The following RGSL1 variants were observed in gnomAD, a reference collection of about 807,000 sequenced individuals.
The protein encoded by RGSL1 is regulator of G protein signaling protein-like.
In RGSL1, 97 loss-of-function variants were observed where a neutral mutation model predicts 124.7. That is an observed-to-expected ratio of 0.78 (90% confidence interval 0.66 to 0.92). RGSL1 has a LOEUF of 0.92. Among genes scored for constraint, RGSL1 ranks in the 40% least tolerant of loss-of-function variants. The pLI is 0.00. For synonymous variants in RGSL1, 424 were observed against 438.1 expected (o/e 0.97, Z 0.40); for missense variants, 1,233 against 1,288.4 (o/e 0.96, Z 0.66).
rs920299353 is a variant in RGSL1, at chr1:182,492,795, A to AT, written c.1718-220dup. On this transcript the variant is annotated intron_variant, in intron 8 of 21. Coordinates refer to ENST00000294854, the MANE Select transcript of RGSL1 (RefSeq NM_001137669.2). ...AGGCGCCCGCCACCATACCCGGCTAATTTTTTTGTATTTTTAGTAGAGACA... is the reference window on the plus strand; with the variant it reads ...AGGCGCCCGCCACCATACCCGGCTAATTTTTTTTGTATTTTTAGTAGAGACA... Among the ~76,000 whole-genome samples the AT allele has an allele frequency of 4.4e-4, 67 of 151,690 alleles. 1 individual carries two copies. Among genetic ancestry groups the AT allele is most frequent in the Non-Finnish European group, 8.4e-4 (57 of 67,884 alleles).
At chr1:182,544,850 T>C (rs896332053) in intron 15 of RGSL1, among the ~76,000 whole-genome samples, 2 of 152,234 alleles carry the variant, frequency 1.3e-5, no homozygotes, top group Admixed American at 1.3e-4. Context: ...GAATATCTTT[T>C]TCCATCCCTT....
At chr1:182,448,863 A>G (rs549095520), upstream of RGSL1, among the ~76,000 whole-genome samples, 55 of 152,190 alleles carry the variant, frequency 3.6e-4, no homozygotes, top group Non-Finnish European at 1.3e-4. Flanking sequence ...AGCCTTTTTG[A>G]ACTGTGGGAA....
intron 15 of RGSL1, among the ~76,000 whole-genome samples, chr1:182,547,865 A>G (rs1660315122): frequency 6.6e-6 from 1 of 152,136 alleles, no homozygotes; most frequent in Non-Finnish European, 1.5e-5. Flanking sequence ...CATCTCAAAA[A>G]AAAAATGTTC....
intron 9 of RGSL1, among the ~76,000 whole-genome samples, chr1:182,501,127 T>C (rs938348893): frequency 6.6e-6 from 1 of 152,120 alleles, no homozygotes; most frequent in Non-Finnish European, 1.5e-5. Flanking sequence ...TCCTGTGACT[T>C]TGCCTTTTAT....
intron 14 of RGSL1, among the ~76,000 whole-genome samples, chr1:182,539,613 A>G (rs1659757715): frequency 6.6e-6 from 1 of 152,202 alleles, no homozygotes; most frequent in African/African-American, 2.4e-5. Flanking sequence ...TCCATTTGTC[A>G]GATCCAGCCC....
At chr1:182,493,459 AG>A (rs754764026) in intron 9 of RGSL1, among the ~76,000 whole-genome samples, 2 of 152,128 alleles carry the variant, frequency 1.3e-5, no homozygotes. Context: ...AGATTTGTGA[AG>A]GGATGTTTGT....
At chr1:182,466,073 A>G (rs1250270488) in intron 4 of RGSL1, among the ~76,000 whole-genome samples, 1 of 152,164 alleles carries the variant, frequency 6.6e-6, no homozygotes, top group Non-Finnish European at 1.5e-5. Flanking sequence ...CTACATAATC[A>G]TCTCAATAGA....
intron 19 of RGSL1, among the ~76,000 whole-genome samples, chr1:182,553,766 T>C (rs1227967764): frequency 1.3e-5 from 2 of 152,220 alleles, no homozygotes; most frequent in Non-Finnish European, 2.9e-5. Context: ...TAAATAATCC[T>C]GTCTTCTTGG....
chr1:182,480,871 C>A (rs1558277516), intron 6 of RGSL1, among the ~76,000 whole-genome samples: 2 of 150,556 alleles, frequency 1.3e-5, no homozygotes, highest in African/African-American at 4.9e-5. Flanking sequence ...ACTAGTAGCT[C>A]AAAAAAAATC....
chr1:182,453,710 G>A (rs527868618), intron 1 of RGSL1, among the ~76,000 whole-genome samples: 32 of 152,110 alleles, frequency 2.1e-4, no homozygotes, highest in Non-Finnish European at 3.8e-4. Context: ...CTACCACTTC[G>A]CCTTCTTCAT....
intron 15 of RGSL1, among the ~76,000 whole-genome samples, chr1:182,545,994 A>T (rs1285470718): frequency 6.6e-6 from 1 of 152,136 alleles, no homozygotes; most frequent in Non-Finnish European, 1.5e-5. Flanking sequence ...ATTATTTTGA[A>T]TAAGTTTTCT....
intron 14 of RGSL1, among the ~76,000 whole-genome samples, chr1:182,539,377 T>C (rs1228792811): frequency 6.6e-6 from 1 of 152,182 alleles, no homozygotes; most frequent in Non-Finnish European, 1.5e-5. Context: ...TCAAGCACAG[T>C]GTCTGAGACA....
At position 182,554,710 on chromosome 1, in the gene RGSL1, A is replaced by T; in HGVS notation, c.3197+17A>T. 1 of 1,551,386 alleles carries T rather than the reference A, an allele frequency of 6.4e-7. No homozygotes were observed. Among genetic ancestry groups the T allele is most frequent in the Non-Finnish European group, 8.7e-7 (1 of 1,146,732 alleles). On this transcript the variant is annotated intron_variant, in intron 20 of 21. Coordinates refer to ENST00000294854, the MANE Select transcript of RGSL1 (RefSeq NM_001137669.2). ...CGTCCAGGGGTAGGCATGAGCTGGA[A>T]ATCCTCTTCTTCAGTCCAGAGCTGC... is the stretch of plus-strand genomic sequence containing the variant.
chr1:182,550,963 G>T, intron 17 of RGSL1, 137 bp from the exon 18 acceptor site: 1 of 636,878 alleles, frequency 1.6e-6, no homozygotes, highest in Non-Finnish European at 2.8e-6. Context: ...GAACCCCAAG[G>T]CCAGGATGCT....
intron 20 of RGSL1, 130 bp downstream of exon 20, chr1:182,554,823 A>G: frequency 1.1e-6 from 1 of 879,800 alleles, no homozygotes. Context: ...GAACCTAGAA[A>G]CTGAGCTTGC....
chr1:182,482,480 GT>G (rs1425047347), intron 6 of RGSL1, among the ~76,000 whole-genome samples: 1 of 152,192 alleles, frequency 6.6e-6, no homozygotes, highest in Admixed American at 6.5e-5. Flanking sequence ...TCATGCCTCT[GT>G]TTGCAGATGA....
chr1:182,492,994 T>C lies in RGSL1; in HGVS notation c.1718-28T>C, dbSNP rs1008373907. 6 of 1,431,268 alleles carry C rather than the reference T, an allele frequency of 4.2e-6. No homozygotes were observed. In the African/African-American group the frequency reaches 8.5e-5, roughly 20 times the overall value. The allele number at this position is 1,431,268 out of a possible 1,614,324, so 88.7% of individuals were successfully genotyped here. On this transcript the variant is annotated intron_variant, in intron 8 of 21. Coordinates refer to ENST00000294854, the MANE Select transcript of RGSL1 (RefSeq NM_001137669.2). ...GAACCCAGACTTTGGACAACTAAAC[T>C]CTATCTCTGTTTTTCCTTACTTCAC...
rs561247457 is a variant in RGSL1 at position 182,528,354 on chromosome 1, T to C, written c.2125+582T>C. Among the ~76,000 whole-genome samples the C allele has an allele frequency of 6.1e-4, 93 of 152,272 alleles. 1 individual carries two copies. The South Asian group carries it at 6.8e-3, about 11-fold the overall frequency. ...CCACTCCGGCCCCTCCCAAATCTCATGTTCTCACATTTCAAAACACAATCA... is the reference window on the plus strand; with the variant it reads ...CCACTCCGGCCCCTCCCAAATCTCACGTTCTCACATTTCAAAACACAATCA... On this transcript the variant is annotated intron_variant, in intron 11 of 21. Transcript: ENST00000294854.
chr1:182,514,168 T>C (rs1256119212), intron 9 of RGSL1, among the ~76,000 whole-genome samples: 2 of 152,158 alleles, frequency 1.3e-5, no homozygotes, highest in Non-Finnish European at 2.9e-5. Context: ...GCTGGGATTA[T>C]AGGCGTGAGC....
Sources: allele counts gnomAD v4.1 joint callset (sites outside exome capture counted in the v4.1 genomes callset), GRCh38; gene constraint gnomAD v4.1.1; transcripts MANE v1.5; gene names NCBI Gene and HGNC (gene_info 2026-07-23, HGNC 2026-07-21).